The following LARP1 variants were observed in gnomAD, a reference collection of about 807,000 sequenced individuals.
The protein encoded by LARP1 is La ribonucleoprotein 1, translational regulator.
LARP1 carries 36 observed loss-of-function variants against 122.7 expected under a neutral mutation model. That is an observed-to-expected ratio of 0.29 (90% CI 0.22 to 0.39). The LOEUF is 0.39. Among genes scored for constraint, LARP1 ranks in the 10% least tolerant of loss-of-function variants. The pLI is 1.00. For synonymous variants in LARP1, 539 were observed against 528.7 expected, an observed-to-expected ratio of 1.02 and a Z score of -0.27; for missense variants, 1,040 against 1,403.6, an observed-to-expected ratio of 0.74 and a Z score of 4.14.
upstream of LARP1, among the ~76,000 whole-genome samples, chr5:154,709,389 A>C (rs964759993): frequency 2.6e-5 from 4 of 152,126 alleles, no homozygotes; most frequent in African/African-American, 7.2e-5. Context: ...AGCAGTTTTG[A>C]AGGTTTCATG....
intron 1 of LARP1, among the ~76,000 whole-genome samples, chr5:154,684,241 T>C (rs899545085): frequency 6.6e-6 from 1 of 152,030 alleles, no homozygotes; most frequent in Non-Finnish European, 1.5e-5. Flanking sequence ...CCAGGAAATT[T>C]GAGACCAGCC....
intron 1 of LARP1, among the ~76,000 whole-genome samples, chr5:154,778,638 C>G (rs2113705354): frequency 6.6e-6 from 1 of 152,296 alleles, no homozygotes. Flanking sequence ...TTCTGCCCAC[C>G]CCTACCACAG....
intron 1 of LARP1, among the ~76,000 whole-genome samples, chr5:154,762,181 T>A (rs1025541034): frequency 5.3e-5 from 8 of 152,092 alleles, no homozygotes; most frequent in African/African-American, 1.4e-4. Flanking sequence ...AGGCGGAGGT[T>A]GCAGTGAGCT....
chr5:154,779,257 C>T (rs1756197427), intron 1 of LARP1, among the ~76,000 whole-genome samples: 1 of 152,134 alleles, frequency 6.6e-6, no homozygotes, highest in Admixed American at 6.5e-5. Context: ...GCTTGGCTCT[C>T]ATTGATGTGT....
chr5:154,687,983 G>A (rs1478585111), intron 1 of LARP1, among the ~76,000 whole-genome samples: 1 of 152,144 alleles, frequency 6.6e-6, no homozygotes, highest in Non-Finnish European at 1.5e-5. Context: ...ATTATCCGAG[G>A]CATCTGGAGA....
chr5:154,731,811 C>G (rs1446494258), intron 1 of LARP1, among the ~76,000 whole-genome samples: 1 of 152,020 alleles, frequency 6.6e-6, no homozygotes, highest in Non-Finnish European at 1.5e-5. Flanking sequence ...GGGCAGATCA[C>G]GAGGTCAAGA....
intron 1 of LARP1, among the ~76,000 whole-genome samples, chr5:154,722,681 T>G (rs1311940960): frequency 6.9e-6 from 1 of 144,868 alleles, no homozygotes; most frequent in Non-Finnish European, 1.5e-5. Context: ...TTCCTAGGTT[T>G]TTTTTTTTTT....
chr5:154,688,395 C>T (rs1357061854), intron 1 of LARP1, among the ~76,000 whole-genome samples: 4 of 151,866 alleles, frequency 2.6e-5, no homozygotes, highest in Non-Finnish European at 4.4e-5. Context: ...CGAGGTGGGT[C>T]AAGCCTGCAC....
chr5:154,705,917 C>T (rs1754925496), intron 1 of LARP1, among the ~76,000 whole-genome samples: 1 of 152,150 alleles, frequency 6.6e-6, no homozygotes, highest in Non-Finnish European at 1.5e-5. Flanking sequence ...CATATACACT[C>T]ACATGTTAAT....
chr5:154,696,436 G>T (rs1352582822), intron 1 of LARP1, among the ~76,000 whole-genome samples: 1 of 152,140 alleles, frequency 6.6e-6, no homozygotes, highest in Non-Finnish European at 1.5e-5. Flanking sequence ...AGAGTGCATG[G>T]TTCATTAGTA....
chr5:154,790,460 C>A, intron 2 of LARP1, 74 bp downstream of exon 2: 1 of 1,422,074 alleles, frequency 7.0e-7, no homozygotes, highest in South Asian at 1.2e-5. Context: ...AGTGAATGCT[C>A]CTGGACTGCC....
intron 10 of LARP1, 52 bp downstream of exon 10, chr5:154,800,094 C>A: frequency 6.5e-7 from 1 of 1,549,068 alleles, no homozygotes; most frequent in Non-Finnish European, 8.8e-7. Context: ...AGCTAGGGTG[C>A]TTGAAGGGGA....
At chr5:154,795,846 TTA>T (rs1183726470) in intron 8 of LARP1, among the ~76,000 whole-genome samples, 6 of 135,510 alleles carry the variant, frequency 4.4e-5, no homozygotes, top group African/African-American at 1.6e-4. Flanking sequence ...TTATATATAT[TTA>T]TATATATTTT....
At chr5:154,701,614 G>C (rs1754716063) in intron 1 of LARP1, among the ~76,000 whole-genome samples, 1 of 150,670 alleles carries the variant, frequency 6.6e-6, no homozygotes, top group Admixed American at 6.6e-5. Flanking sequence ...TTTGGGGAGG[G>C]AAACTTTCTT....
chr5:154,767,750 G>A (rs1443583701), intron 1 of LARP1, among the ~76,000 whole-genome samples: 1 of 152,174 alleles, frequency 6.6e-6, no homozygotes, highest in African/African-American at 2.4e-5. Flanking sequence ...TTCCTGTTCT[G>A]CGTGTGTATT....
intron 1 of LARP1, among the ~76,000 whole-genome samples, chr5:154,728,618 G>A (rs970335860): frequency 6.6e-6 from 1 of 152,206 alleles, no homozygotes; most frequent in Non-Finnish European, 1.5e-5. Flanking sequence ...GCATGGATCT[G>A]TTTGGGTCCA....
chr5:154,782,313 T>A (rs1046287055), intron 1 of LARP1, among the ~76,000 whole-genome samples: 2 of 152,212 alleles, frequency 1.3e-5, no homozygotes, highest in East Asian at 3.9e-4. Flanking sequence ...GAGCTGGCAC[T>A]TGGAGGCCAG....
At chr5:154,725,388 CA>C (rs34840033) in intron 1 of LARP1, among the ~76,000 whole-genome samples, 5,427 of 61,524 alleles carry the variant, frequency 0.088, 154 homozygotes, top group East Asian at 0.22. Flanking sequence ...GACTCTGTCT[CA>C]AAAAAAAAAA....
intron 1 of LARP1, among the ~76,000 whole-genome samples, chr5:154,760,589 A>T (rs1416655809): frequency 6.6e-6 from 1 of 152,214 alleles, no homozygotes; most frequent in Non-Finnish European, 1.5e-5. Context: ...GTCTGAAAGC[A>T]CACAGCACTG....
Sources: allele counts gnomAD v4.1 joint callset (sites outside exome capture counted in the v4.1 genomes callset), GRCh38; gene constraint gnomAD v4.1.1; transcripts MANE v1.5; gene names NCBI Gene and HGNC (gene_info 2026-07-23, HGNC 2026-07-21).